WWP2: variants seen among roughly 807,000 people sequenced by gnomAD.
WWP2 encodes WW domain containing E3 ubiquitin protein ligase 2.
A neutral mutation model predicts 121.0 loss-of-function variants in WWP2; 57 were observed. That is an observed-to-expected ratio of 0.47 (90% CI 0.38 to 0.59). The LOEUF (loss-of-function observed/expected upper bound fraction) is 0.59. Ranked by LOEUF, WWP2 falls within the 20% of genes least tolerant of loss-of-function variation. WWP2 has a pLI of 0.00. For synonymous variants in WWP2, 449 were observed against 441.3 expected, an observed-to-expected ratio of 1.02 and a Z score of -0.22; for missense variants, 962 against 1,158.9, an observed-to-expected ratio of 0.83 and a Z score of 2.47.
intron 16 of WWP2, 92 bp downstream of exon 16, chr16:69,931,982 T>G: frequency 6.6e-6 from 8 of 1,212,526 alleles, no homozygotes; most frequent in Non-Finnish European, 8.2e-6. Context: ...CCTGCTCACA[T>G]TCCCTCCCAA....
chr16:69,905,931 C>T (rs1427641205), intron 8 of WWP2, among the ~76,000 whole-genome samples: 1 of 152,108 alleles, frequency 6.6e-6, no homozygotes, highest in Non-Finnish European at 1.5e-5. Context: ...GGTGATTCCA[C>T]CTTAAAGGAT....
chr16:69,878,635 T>G, intron 7 of WWP2, among the ~76,000 whole-genome samples: 1 of 152,208 alleles, frequency 6.6e-6, no homozygotes, highest in East Asian at 1.9e-4. Flanking sequence ...GTGTTGGGAT[T>G]GCAGACGTGA....
At chr16:69,822,352 G>A (rs189979968) in intron 4 of WWP2, among the ~76,000 whole-genome samples, 2 of 152,318 alleles carry the variant, frequency 1.3e-5, no homozygotes, top group Admixed American at 1.3e-4. Flanking sequence ...CGAGCTAGAG[G>A]CTGGCGCTGA....
At chr16:69,779,099 G>A (rs751371855) in intron 1 of WWP2, among the ~76,000 whole-genome samples, 14 of 151,844 alleles carry the variant, frequency 9.2e-5, no homozygotes, top group Middle Eastern at 3.4e-3. Flanking sequence ...ACAGGTGCCC[G>A]CCACCACACC....
chr16:69,829,043 A>T (rs2056751427), intron 4 of WWP2, among the ~76,000 whole-genome samples: 1 of 152,132 alleles, frequency 6.6e-6, no homozygotes, highest in South Asian at 2.1e-4. Context: ...CATCATATAG[A>T]GCCTCTATTT....
Position 69,798,914 on chromosome 16 carries a change from C to G in WWP2, c.218+85C>G, listed in dbSNP as rs536002340. ...GAGGGGGTTGTGGGAGGTACAGATT[C>G]CCTGTGGCACCTCCGACTTTTTCTA... On this transcript the variant is annotated intron_variant, in intron 3 of 23. Transcript: ENST00000359154. The G allele has an allele frequency of 1.0e-5, 16 of 1,541,750 alleles. 1 individual carries two copies. The Admixed American group carries it at 2.8e-4, about 27-fold the overall frequency.
intron 17 of WWP2, among the ~76,000 whole-genome samples, chr16:69,934,821 T>C (rs1039189516): frequency 1.3e-5 from 2 of 151,802 alleles, no homozygotes; most frequent in African/African-American, 4.8e-5. Context: ...TCTCCAGCTT[T>C]TTACATTTTT....
intron 23 of WWP2, 43 bp from the exon 24 acceptor site, chr16:69,939,798 T>C (rs1328446472): frequency 1.1e-5 from 18 of 1,577,698 alleles, no homozygotes; most frequent in Non-Finnish European, 1.5e-5. Flanking sequence ...ATCAGAGCCC[T>C]GGCCTCCTAG....
intron 1 of WWP2, among the ~76,000 whole-genome samples, chr16:69,774,442 A>G (rs2055481750): frequency 6.6e-6 from 1 of 152,086 alleles, no homozygotes; most frequent in Non-Finnish European, 1.5e-5. Context: ...GTTTTTGTTG[A>G]GACGAGGTTT....
At chr16:69,869,278 T>C (rs7204326) in intron 6 of WWP2, among the ~76,000 whole-genome samples, 16,423 of 151,942 alleles carry the variant, frequency 0.11, 1,234 homozygotes, top group African/African-American at 0.21. Flanking sequence ...TCAGTCGTAC[T>C]CTGTCTCCAT....
chr16:69,921,933 G>A (rs1293635552), intron 10 of WWP2, among the ~76,000 whole-genome samples: 2 of 152,042 alleles, frequency 1.3e-5, no homozygotes, highest in Non-Finnish European at 2.9e-5. Flanking sequence ...AATTAGCTGG[G>A]CGTGGTGGCG....
intron 21 of WWP2, 59 bp from the exon 22 acceptor site, chr16:69,938,968 C>T (rs766501320): frequency 1.9e-5 from 28 of 1,496,770 alleles, no homozygotes; most frequent in Non-Finnish European, 2.6e-5. Context: ...GCTCCACGTT[C>T]GGGCAAAGTA....
chr16:69,883,079 G>C (rs946987346), intron 7 of WWP2, among the ~76,000 whole-genome samples: 10 of 152,068 alleles, frequency 6.6e-5, no homozygotes, highest in South Asian at 4.2e-4. Context: ...CTTGAACCCA[G>C]GAGGTGGAGG....
chr16:69,810,863 T>C (rs1215161035), intron 4 of WWP2, among the ~76,000 whole-genome samples: 1 of 151,756 alleles, frequency 6.6e-6, no homozygotes, highest in East Asian at 1.9e-4. Context: ...CAGGCAATTC[T>C]CCTGCCTCAG....
intron 10 of WWP2, among the ~76,000 whole-genome samples, chr16:69,922,890 C>T (rs999383294): frequency 6.7e-6 from 1 of 148,178 alleles, no homozygotes. Context: ...GTTTTTGCCA[C>T]GACTCTTTTT....
chr16:69,814,131 A>T (rs1890268419), intron 4 of WWP2, among the ~76,000 whole-genome samples: 1 of 152,178 alleles, frequency 6.6e-6, no homozygotes, highest in Admixed American at 6.6e-5. Flanking sequence ...AAATAAAGTC[A>T]GGTACCTTGC....
rs1423491678 is a variant in WWP2 at position 69,935,900 on chromosome 16, C to T, written c.1890C>T (p.Phe630=). 2 of 1,614,096 alleles carry T rather than the reference C, an allele frequency of 1.2e-6. No individual in the cohort carries two copies. The highest frequency in any genetic ancestry group is 1.7e-6 in the Non-Finnish European group (2 of 1,180,028). ...TCGACACGGGCTTCACCCTCCCTTT[C>T]TACAAGCGGATGCTCAATAAGAGAC... is the stretch of plus-strand genomic sequence containing the variant. ...KFIDTGFTLP[F]YKRMLNKRPT... Residue 630 remains phenylalanine, a synonymous_variant, in exon 18 of 24, where the codon TTC becomes TTT. Transcript: ENST00000359154. This position sits in a 1 kb window ranked among gnomAD's most constrained non-coding sequence, Gnocchi z 5.2.
chr16:69,898,700 T>A (rs2058148053), intron 8 of WWP2, among the ~76,000 whole-genome samples: 1 of 152,208 alleles, frequency 6.6e-6, no homozygotes, highest in Non-Finnish European at 1.5e-5. Flanking sequence ...TTCTTTTTTG[T>A]TGTTGTTTTT....
At chr16:69,870,283 CTTTA>C (rs2057609776) in intron 6 of WWP2, among the ~76,000 whole-genome samples, 1 of 147,880 alleles carries the variant, frequency 6.8e-6, no homozygotes, top group Non-Finnish European at 1.5e-5. Flanking sequence ...TTATTATTAC[CTTTA>C]TTTATTTATC....
Sources: gnomAD v4.1 joint callset for allele counts (sites outside exome capture counted in the v4.1 genomes callset) on GRCh38, gnomAD v4.1.1 for gene constraint, Gnocchi (gnomAD v3.1) non-coding constraint, MANE v1.5 for transcripts, NCBI Gene and HGNC (gene_info 2026-07-23, HGNC 2026-07-21) for gene names.